The following GRIK1 variants were observed in gnomAD, a reference collection of about 807,000 sequenced individuals.
GRIK1 encodes glutamate receptor ionotropic, kainate 1.
In GRIK1, 69 loss-of-function variants were observed where a neutral mutation model predicts 105.7. The ratio of observed to expected loss-of-function variants is 0.65; its 90% CI spans 0.54 to 0.80. GRIK1 has a LOEUF of 0.80. Ranked by LOEUF, GRIK1 falls within the 30% of genes least tolerant of loss-of-function variation. The pLI is 0.00. For synonymous variants in GRIK1, 438 were observed against 431.3 expected (o/e 1.02, Z -0.19); for missense variants, 1,109 against 1,167.3 (o/e 0.95, Z 0.73).
chr21:29,684,191 A>T (rs548052146), intron 3 of GRIK1, among the ~76,000 whole-genome samples: 3 of 152,312 alleles, frequency 2.0e-5, no homozygotes, highest in Non-Finnish European at 4.4e-5. Flanking sequence ...TGTGTGGTTT[A>T]TCCCCATTAC....
chr21:29,558,578 T>C (rs1360063837), intron 15 of GRIK1, among the ~76,000 whole-genome samples: 1 of 151,778 alleles, frequency 6.6e-6, no homozygotes, highest in Non-Finnish European at 1.5e-5. Context: ...ACAACAACTG[T>C]GAAAAATTCC....
chr21:29,836,128 G>A (rs554182784), intron 1 of GRIK1, among the ~76,000 whole-genome samples: 6 of 152,290 alleles, frequency 3.9e-5, no homozygotes, highest in Admixed American at 2.6e-4. Flanking sequence ...CCTTTGTAAA[G>A]TAAAGAGTAT....
At chr21:29,669,661 G>A (rs933671040) in intron 4 of GRIK1, among the ~76,000 whole-genome samples, 2 of 152,112 alleles carry the variant, frequency 1.3e-5, no homozygotes, top group African/African-American at 2.4e-5. Context: ...GCCTCACCTC[G>A]AAAGTGAGAA....
intron 8 of GRIK1, among the ~76,000 whole-genome samples, chr21:29,598,360 T>A (rs1765391427): frequency 1.3e-5 from 2 of 152,212 alleles, no homozygotes; most frequent in Non-Finnish European, 2.9e-5. Context: ...GTTAATTTGC[T>A]CCAGTAAGTC....
At chr21:29,551,126 T>C (rs1462690760) in intron 16 of GRIK1, among the ~76,000 whole-genome samples, 2 of 152,190 alleles carry the variant, frequency 1.3e-5, no homozygotes, top group African/African-American at 4.8e-5. Flanking sequence ...TGCAATCTAA[T>C]AGGCTTCAGA....
At chr21:29,560,558 T>TCTCTC in intron 15 of GRIK1, among the ~76,000 whole-genome samples, 1 of 121,812 alleles carries the variant, frequency 8.2e-6, no homozygotes, top group African/African-American at 3.7e-5. Context: ...CTTTCTTTCT[T>TCTCTC]TCTTTCTTTC....
At chr21:29,789,889 A>C (rs771037998) in intron 1 of GRIK1, among the ~76,000 whole-genome samples, 1 of 152,206 alleles carries the variant, frequency 6.6e-6, no homozygotes, top group Non-Finnish European at 1.5e-5. Flanking sequence ...TATTTGTAAA[A>C]TGCCTATAAA....
At chr21:29,607,248 T>C (rs1483806737) in intron 7 of GRIK1, among the ~76,000 whole-genome samples, 1 of 152,152 alleles carries the variant, frequency 6.6e-6, no homozygotes, top group East Asian at 1.9e-4. Context: ...ACTTTTCTTT[T>C]GTCTGAGCAA....
chr21:29,608,529 G>T (rs984739451), intron 7 of GRIK1, among the ~76,000 whole-genome samples: 5 of 152,032 alleles, frequency 3.3e-5, no homozygotes, highest in Non-Finnish European at 7.4e-5. Context: ...GCCAAATACT[G>T]CATTAATGTA....
At chr21:29,753,618 G>A (rs903313877) in intron 1 of GRIK1, among the ~76,000 whole-genome samples, 5 of 152,306 alleles carry the variant, frequency 3.3e-5, no homozygotes, top group East Asian at 3.9e-4. Context: ...ATGGGAACAA[G>A]AAACAGAAAA....
At chr21:29,726,484 G>A (rs958602222) in intron 1 of GRIK1, among the ~76,000 whole-genome samples, 5 of 151,962 alleles carry the variant, frequency 3.3e-5, no homozygotes, top group Non-Finnish European at 4.4e-5. Flanking sequence ...GAATAATATC[G>A]TACACAAAGA....
intron 1 of GRIK1, among the ~76,000 whole-genome samples, chr21:29,837,539 T>A (rs543445617): frequency 6.6e-6 from 1 of 151,982 alleles, no homozygotes; most frequent in South Asian, 2.1e-4. Context: ...CAACCACCAA[T>A]GGGGGGGAAT....
intron 1 of GRIK1, among the ~76,000 whole-genome samples, chr21:29,900,998 A>G (rs2070385957): frequency 6.6e-6 from 1 of 152,172 alleles, no homozygotes; most frequent in Non-Finnish European, 1.5e-5. Context: ...TCAAAACCAC[A>G]TAACTACATG....
rs181262573 is a variant in GRIK1, at chr21:29,767,098, G to A, written c.119-73035C>T. Among the ~76,000 whole-genome samples the A allele has an allele frequency of 2.9e-3, 439 of 152,220 alleles. 2 individuals carry two copies. The highest frequency in any genetic ancestry group is 3.7e-3 in the Admixed American group (56 of 15,296). ...ACTTTCTCTGTGGGGCTGTGTGACT[G>A]GCACATACTTCATCCGAAGGAGGGG... On this transcript the variant is annotated intron_variant, in intron 1 of 17. Coordinates refer to ENST00000327783, the MANE Select transcript of GRIK1 (RefSeq NM_001330994.2).
At chr21:29,806,528 C>G (rs954811806) in intron 1 of GRIK1, among the ~76,000 whole-genome samples, 5 of 152,106 alleles carry the variant, frequency 3.3e-5, no homozygotes, top group African/African-American at 1.2e-4. Context: ...CTTGCCTTAT[C>G]AACTCTAAAT....
chr21:29,769,773 GA>G (rs1331112811), intron 1 of GRIK1, among the ~76,000 whole-genome samples: 1 of 152,060 alleles, frequency 6.6e-6, no homozygotes, highest in African/African-American at 2.4e-5. Context: ...GGAGACCGGG[GA>G]CAGATTCTCC....
At chr21:29,741,832 G>A (rs1033448124) in intron 1 of GRIK1, among the ~76,000 whole-genome samples, 13 of 152,284 alleles carry the variant, frequency 8.5e-5, no homozygotes, top group Admixed American at 2.6e-4. Flanking sequence ...ATTGATTGCC[G>A]TTGTTTCATT....
intron 1 of GRIK1, among the ~76,000 whole-genome samples, chr21:29,789,353 C>T (rs1430497327): frequency 1.3e-5 from 2 of 152,248 alleles, no homozygotes; most frequent in East Asian, 3.9e-4. Flanking sequence ...AACCAAACTT[C>T]AATTAAGTTT....
chr21:29,825,928 G>A (rs458874), intron 1 of GRIK1, among the ~76,000 whole-genome samples: 2 of 151,826 alleles, frequency 1.3e-5, no homozygotes, highest in African/African-American at 4.8e-5. Flanking sequence ...AACCTGCCTG[G>A]TCTTGTTTAA....
Sources: allele counts gnomAD v4.1 joint callset (sites outside exome capture counted in the v4.1 genomes callset), GRCh38; gene constraint gnomAD v4.1.1; transcripts MANE v1.5; gene names NCBI Gene and HGNC (gene_info 2026-07-23, HGNC 2026-07-21).